MARVELD3: variants seen among roughly 807,000 people sequenced by gnomAD.
The protein encoded by MARVELD3 is MARVEL domain-containing protein 3.
Under a neutral mutation model 33.5 loss-of-function variants are expected in MARVELD3, and 28 were observed. The observed-to-expected ratio is 0.84, with a 90% CI of 0.62 to 1.15. The LOEUF (loss-of-function observed/expected upper bound fraction) is 1.15, where lower values mean the gene tolerates loss of function less well. Among genes scored for constraint, MARVELD3 ranks in the 50% most tolerant of loss-of-function variants. The probability of loss-of-function intolerance (pLI) is 0.00; values close to 1 mark genes in which losing one functional copy is unlikely to be tolerated. For missense variants in MARVELD3, 582 were observed against 547.6 expected, an observed-to-expected ratio of 1.06 and a Z score of -0.63; for synonymous variants, 241 against 230.4, an observed-to-expected ratio of 1.05 and a Z score of -0.42.
downstream of MARVELD3, chr16:71,640,466 C>G: frequency 6.2e-7 from 1 of 1,614,064 alleles, no homozygotes; most frequent in Non-Finnish European, 8.5e-7. Flanking sequence ...TTGTCCTTGC[C>G]GGATTCAGTG....
At chr16:71,630,487 G>A (rs144478534) in intron 2 of MARVELD3, among the ~76,000 whole-genome samples, 1,765 of 151,662 alleles carry the variant, frequency 0.012, 32 homozygotes, top group African/African-American at 0.041. Context: ...TAGCCGGGGT[G>A]GTGGCTCATG....
intron 1 of MARVELD3, among the ~76,000 whole-genome samples, chr16:71,628,141 C>G (rs532785497): frequency 6.6e-6 from 1 of 152,200 alleles, no homozygotes; most frequent in East Asian, 1.9e-4. Flanking sequence ...GTCAAAGCTT[C>G]GCCCAGGGAA....
In MARVELD3 at chr16:71,635,227, G is replaced by C. The variant is rs1449701472; in HGVS notation, c.*424G>C. On this transcript the variant is annotated 3_prime_UTR_variant, in exon 3 of 3. Coordinates refer to ENST00000268485, the MANE Select transcript of MARVELD3 (RefSeq NM_052858.6). ...GCCTGTAATCCCAGCTACTTGGGAG[G>C]CTGAGGCAGGAGAATCGCTTGAATC... is the stretch of plus-strand genomic sequence containing the variant. 1.2e-6 allele frequency: 1 copy of C among 814,282 alleles called. No homozygotes were observed. Among genetic ancestry groups the C allele is most frequent in the Non-Finnish European group, 1.5e-6 (1 of 673,272 alleles). The allele number at this position is 814,282 out of a possible 1,614,324, so 50.4% of individuals were successfully genotyped here. A position where few individuals can be genotyped will look rare whatever the true frequency, so the allele number is the denominator to read the frequency against.
exon 3 of MARVELD3, chr16:71,641,915 A>G (rs1459282606): frequency 6.6e-6 from 1 of 152,218 alleles, no homozygotes; most frequent in Non-Finnish European, 1.5e-5. Flanking sequence ...TCATAATGTA[A>G]CAGATCACTA....
At position 71,634,723 on chromosome 16, in the gene MARVELD3, C is replaced by A. The variant is rs1292637466; in HGVS notation, c.1126C>A (p.Leu376Met). The change falls in exon 3 of 3, where the codon CTG (leucine) becomes ATG (methionine). Residue 376 changes from leucine (L) to methionine (M), a missense_variant. Transcript: ENST00000268485. Reference sequence around the variant, plus strand: ...TGCCCTGGGCATTGTGGTCTTTGCCCTGGGGGCTGTCCTGGCCATAAAGGG... The same window carrying A: ...TGCCCTGGGCATTGTGGTCTTTGCCATGGGGGCTGTCCTGGCCATAAAGGG... ...FAALGIVVFA[L>M]GAVLAIKGYR... is the part of the protein sequence containing the mutation. 6.2e-7 allele frequency: 1 copy of A among 1,614,186 alleles called. No homozygotes were observed. Among genetic ancestry groups the A allele is most frequent in the Admixed American group, 1.7e-5 (1 of 60,022 alleles).
At chr16:71,641,877 A>G (rs2044622216) in exon 3 of MARVELD3, 1 of 152,210 alleles carries the variant, frequency 6.6e-6, no homozygotes, top group Non-Finnish European at 1.5e-5. Context: ...TCAAAGGTAG[A>G]TAGTAATCTC....
At chr16:71,630,646 A>T (rs1211328838) in intron 2 of MARVELD3, among the ~76,000 whole-genome samples, 1 of 151,258 alleles carries the variant, frequency 6.6e-6, no homozygotes, top group East Asian at 1.9e-4. Flanking sequence ...CAAAAATAAT[A>T]AAATATATGT....
chr16:71,630,275 C>T (rs1326925035), intron 2 of MARVELD3, among the ~76,000 whole-genome samples: 4 of 148,822 alleles, frequency 2.7e-5, no homozygotes, highest in African/African-American at 7.4e-5. Flanking sequence ...CACTGCACTC[C>T]AGCCTGGGTG....
In MARVELD3 at chr16:71,635,062, T is replaced by G; in HGVS notation, c.*259T>G. The G allele has an allele frequency of 8.7e-7, 1 of 1,147,892 alleles. No individual in the cohort carries two copies. 71.1% of individuals were successfully genotyped at this position (1,147,892 alleles called of 1,614,324 possible). A position where few individuals can be genotyped will look rare whatever the true frequency, so the allele number is the denominator to read the frequency against. ...CAAAAAAATGGCCGGCCTCGGCGGC[T>G]CACACCTGTAACCCCAGCACTTTGG... is the stretch of plus-strand genomic sequence containing the variant. On this transcript the variant is annotated 3_prime_UTR_variant, in exon 3 of 3. Transcript: ENST00000268485.
intron 2 of MARVELD3, among the ~76,000 whole-genome samples, chr16:71,630,530 A>T (rs2044523149): frequency 6.6e-6 from 1 of 151,890 alleles, no homozygotes; most frequent in Non-Finnish European, 1.5e-5. Flanking sequence ...AGGCTAAGGC[A>T]GGAGAATCGC....
chr16:71,640,602 G>A, downstream of MARVELD3: 2 of 1,614,218 alleles, frequency 1.2e-6, no homozygotes, highest in Non-Finnish European at 1.7e-6. Flanking sequence ...GATATACGGT[G>A]GCGTGGCTGT....
chr16:71,638,201 G>A (rs2044593987), downstream of MARVELD3: 1 of 152,204 alleles, frequency 6.6e-6, no homozygotes, highest in Non-Finnish European at 1.5e-5. Context: ...GCTGACCTCG[G>A]ACAAGAAGAT....
rs2044476160 is a variant in MARVELD3, at chr16:71,626,685, C to T, written c.456C>T (p.Arg152=). 4.0e-6 allele frequency: 6 copies of T among 1,501,430 alleles called. No homozygotes were observed. Among genetic ancestry groups the T allele is most frequent in the Non-Finnish European group, 5.3e-6 (6 of 1,130,670 alleles). 93.0% of individuals were successfully genotyped at this position (1,501,430 alleles called of 1,614,324 possible). Reference sequence around the variant, plus strand: ...AGAGGAAGGGAGACCCCGGGCGCCGCAGACCCGAAAGGTGAGAGGGGCCGG... The same window carrying T: ...AGAGGAAGGGAGACCCCGGGCGCCGTAGACCCGAAAGGTGAGAGGGGCCGG... ...QPQRKGDPGR[R]RPESEPPSER... is the part of the protein sequence containing the mutation. Residue 152 remains arginine, a synonymous_variant, in exon 1 of 3, where the codon CGC becomes CGT. Transcript: ENST00000268485. This position sits in a 1 kb window ranked among gnomAD's most constrained non-coding sequence, Gnocchi z 5.3.
chr16:71,630,081 TA>T (rs35937926), intron 2 of MARVELD3, among the ~76,000 whole-genome samples: 6,086 of 139,030 alleles, frequency 0.044, 360 homozygotes, highest in African/African-American at 0.14. Context: ...ATCTCTAGTT[TA>T]AAAAAAAAAA....
At chr16:71,640,648 T>C, downstream of MARVELD3, 1 of 1,614,240 alleles carries the variant, frequency 6.2e-7, no homozygotes, top group Non-Finnish European at 8.5e-7. Context: ...ATGGGTGTTT[T>C]ACTCCAAGGA....
At chr16:71,636,947 T>A (rs1310892553), downstream of MARVELD3, among the ~76,000 whole-genome samples, 1 of 152,190 alleles carries the variant, frequency 6.6e-6, no homozygotes, top group Non-Finnish European at 1.5e-5. Context: ...TCTGCTTCCC[T>A]CTACCAAACC....
intron 1 of MARVELD3, among the ~76,000 whole-genome samples, chr16:71,628,866 G>C (rs919521957): frequency 6.6e-6 from 1 of 152,218 alleles, no homozygotes; most frequent in Non-Finnish European, 1.5e-5. Flanking sequence ...AGGAGAGAAG[G>C]GACAGAAAAT....
In MARVELD3 at chr16:71,629,497, G is replaced by A. The variant is rs557769225; in HGVS notation, c.595+3G>A. On this transcript the variant is annotated splice_donor_region_variant and intron_variant, in intron 2 of 2. Coordinates refer to ENST00000268485, the MANE Select transcript of MARVELD3 (RefSeq NM_052858.6). ...CAAATACTTGTGCACTGGGAGAGGT[G>A]AGCCGTTTTGCAGGCTGTTTGATCA... 110 of 1,563,760 alleles carry A rather than the reference G, an allele frequency of 7.0e-5. No individual in the cohort carries two copies. The highest frequency in any genetic ancestry group is 9.4e-5 in the Non-Finnish European group (109 of 1,160,596).
At chr16:71,640,469 A>AT, downstream of MARVELD3, 2 of 1,614,076 alleles carry the variant, frequency 1.2e-6, no homozygotes, top group Non-Finnish European at 1.7e-6. Context: ...TCCTTGCCGG[A>AT]TTCAGTGCCA....
Sources: gnomAD v4.1 joint callset for allele counts (sites outside exome capture counted in the v4.1 genomes callset) on GRCh38, gnomAD v4.1.1 for gene constraint, Gnocchi (gnomAD v3.1) non-coding constraint, MANE v1.5 for transcripts, NCBI Gene and HGNC (gene_info 2026-07-23, HGNC 2026-07-21) for gene names.